The following EPM2A variants were observed in gnomAD, a reference collection of about 807,000 sequenced individuals.
EPM2A encodes EPM2A glucan phosphatase, laforin.
A neutral mutation model predicts 26.5 loss-of-function variants in EPM2A; 21 were observed. The observed-to-expected ratio is 0.79, with a 90% CI of 0.56 to 1.14. The LOEUF (loss-of-function observed/expected upper bound fraction) is 1.14, where lower values mean the gene tolerates loss of function less well. Ranked by LOEUF, EPM2A falls within the 50% of genes most tolerant of loss-of-function variation. The pLI is 0.00. For missense variants in EPM2A, 458 were observed against 440.8 expected (o/e 1.04, Z -0.35); for synonymous variants, 217 against 177.6 (o/e 1.22, Z -1.76).
chr6:145,559,929 CA>C (rs557503546), intron 2 of EPM2A, among the ~76,000 whole-genome samples: 47 of 152,068 alleles, frequency 3.1e-4, no homozygotes, highest in Non-Finnish European at 6.3e-4. Flanking sequence ...AATGATTAAA[CA>C]AAAAAAGTTT....
intron 2 of EPM2A, among the ~76,000 whole-genome samples, chr6:145,657,164 A>C (rs142005367): frequency 0.011 from 1,621 of 144,784 alleles, 13 homozygotes; most frequent in Admixed American, 0.02. Context: ...ACCTCGGCTC[A>C]CTGCAACCTC....
intron 2 of EPM2A, among the ~76,000 whole-genome samples, chr6:145,669,228 C>A (rs1779469344): frequency 6.6e-6 from 1 of 152,072 alleles, no homozygotes; most frequent in South Asian, 2.1e-4. Flanking sequence ...GTTCATGTTT[C>A]ATAAAAAAGT....
At chr6:145,624,159 G>A (rs1021770400), downstream of EPM2A, among the ~76,000 whole-genome samples, 2 of 152,044 alleles carry the variant, frequency 1.3e-5, no homozygotes, top group Admixed American at 6.6e-5. Flanking sequence ...GCACACCTAT[G>A]CCATGATTTG....
intron 2 of EPM2A, among the ~76,000 whole-genome samples, chr6:145,515,272 A>T (rs894569834): frequency 1.3e-5 from 2 of 152,194 alleles, no homozygotes; most frequent in Non-Finnish European, 2.9e-5. Context: ...GATGCCTAAG[A>T]TCAATTTTCT....
intron 4 of EPM2A, among the ~76,000 whole-genome samples, chr6:145,445,886 G>A (rs1310229461): frequency 3.3e-5 from 5 of 152,116 alleles, no homozygotes; most frequent in Admixed American, 1.3e-4. Context: ...TAGCAAAAAA[G>A]CACATGTAAA....
downstream of EPM2A, among the ~76,000 whole-genome samples, chr6:145,623,768 T>G (rs76689081): frequency 1.6e-3 from 250 of 152,254 alleles, 2 homozygotes; most frequent in African/African-American, 5.8e-3. Flanking sequence ...GAAGACCATT[T>G]CTGAAATGTA....
chr6:145,515,986 C>A (rs1780120979), intron 2 of EPM2A, among the ~76,000 whole-genome samples: 1 of 152,142 alleles, frequency 6.6e-6, no homozygotes. Flanking sequence ...TGGCTGTGAG[C>A]TGATACTCAG....
At chr6:145,420,585 C>T (rs1778769002) in intron 4 of EPM2A, among the ~76,000 whole-genome samples, 1 of 152,150 alleles carries the variant, frequency 6.6e-6, no homozygotes. Context: ...TGAACATCCA[C>T]TTAGAAAACT....
At chr6:145,725,573 G>A (rs1045793685) in intron 1 of EPM2A, among the ~76,000 whole-genome samples, 10 of 151,984 alleles carry the variant, frequency 6.6e-5, no homozygotes, top group Admixed American at 1.3e-4. Flanking sequence ...TACATATAAT[G>A]GGACATCATC....
chr6:145,681,914 C>G (rs1472595970), intron 2 of EPM2A, among the ~76,000 whole-genome samples: 1 of 152,122 alleles, frequency 6.6e-6, no homozygotes, highest in Admixed American at 6.6e-5. Context: ...ACCCCATGTT[C>G]AGGCTAATTA....
At chr6:145,489,696 T>C in intron 4 of EPM2A, 1 of 1,405,586 alleles carries the variant, frequency 7.1e-7, no homozygotes, top group East Asian at 2.3e-5. Context: ...AATCCACTGT[T>C]GGCTTGCTCT....
At chr6:145,527,574 T>G (rs1780293252) in intron 2 of EPM2A, among the ~76,000 whole-genome samples, 1 of 152,114 alleles carries the variant, frequency 6.6e-6, no homozygotes, top group Non-Finnish European at 1.5e-5. Context: ...TTTAAAGTCT[T>G]TTGGTTGCTA....
At chr6:145,409,408 T>C (rs1402652295) in intron 4 of EPM2A, among the ~76,000 whole-genome samples, 1 of 152,190 alleles carries the variant, frequency 6.6e-6, no homozygotes, top group Non-Finnish European at 1.5e-5. Flanking sequence ...ATAAAGCATC[T>C]TAGTAGAAGT....
At chr6:145,471,536 C>A (rs890885826) in intron 4 of EPM2A, among the ~76,000 whole-genome samples, 6 of 152,226 alleles carry the variant, frequency 3.9e-5, no homozygotes, top group South Asian at 4.1e-4. Context: ...TAAGACAGTT[C>A]TGAATTGCCA....
chr6:145,516,321 A>G (rs1306557174), intron 2 of EPM2A, among the ~76,000 whole-genome samples: 1 of 152,198 alleles, frequency 6.6e-6, no homozygotes, highest in Non-Finnish European at 1.5e-5. Flanking sequence ...TCTAGGAAAG[A>G]AATTGAATTT....
intron 2 of EPM2A, among the ~76,000 whole-genome samples, chr6:145,559,027 T>C (rs1054674002): frequency 5.3e-5 from 8 of 152,248 alleles, no homozygotes; most frequent in African/African-American, 1.9e-4. Context: ...TATATGTCTG[T>C]GAGCCAGGAG....
intron 2 of EPM2A, among the ~76,000 whole-genome samples, chr6:145,557,749 ACTACT>A (rs758569346): frequency 6.6e-6 from 1 of 152,110 alleles, no homozygotes; most frequent in African/African-American, 2.4e-5. Flanking sequence ...AACACTTAAA[ACTACT>A]CTACTGTCTC....
intron 2 of EPM2A, among the ~76,000 whole-genome samples, chr6:145,554,597 A>T (rs1343149822): frequency 6.6e-6 from 1 of 152,086 alleles, no homozygotes; most frequent in Non-Finnish European, 1.5e-5. Flanking sequence ...ATGGTTCTGG[A>T]GGCTAGGAGG....
intron 4 of EPM2A, among the ~76,000 whole-genome samples, chr6:145,395,036 G>T (rs1477984965): frequency 6.6e-6 from 1 of 152,130 alleles, no homozygotes; most frequent in Non-Finnish European, 1.5e-5. Flanking sequence ...CTACAGTTTT[G>T]TCAGAATTCT....
Sources: allele counts gnomAD v4.1 joint callset (sites outside exome capture counted in the v4.1 genomes callset), GRCh38; gene constraint gnomAD v4.1.1; transcripts MANE v1.5; gene names NCBI Gene and HGNC (gene_info 2026-07-23, HGNC 2026-07-21).